The following CNTN5 variants were observed in gnomAD, a reference collection of about 807,000 sequenced individuals.
CNTN5 encodes the protein contactin 5.
A neutral mutation model predicts 129.1 loss-of-function variants in CNTN5; 77 were observed. The observed-to-expected ratio is 0.60, with a 90% CI of 0.50 to 0.72. The LOEUF (loss-of-function observed/expected upper bound fraction) is 0.72, where lower values mean the gene tolerates loss of function less well. Among genes scored for constraint, CNTN5 ranks in the 30% least tolerant of loss-of-function variants. CNTN5 has a pLI of 0.00. For missense variants in CNTN5, 1,478 were observed against 1,328.8 expected (o/e 1.11, Z -1.75); for synonymous variants, 509 against 465.6 (o/e 1.09, Z -1.20).
At chr11:99,618,509 C>T (rs577265251) in intron 3 of CNTN5, among the ~76,000 whole-genome samples, 4 of 152,240 alleles carry the variant, frequency 2.6e-5, no homozygotes, top group East Asian at 3.9e-4. Flanking sequence ...TTTAACTGTT[C>T]TTTGTCACCT....
chr11:99,704,690 A>G (rs1019187217), intron 3 of CNTN5, among the ~76,000 whole-genome samples: 2 of 151,246 alleles, frequency 1.3e-5, no homozygotes, highest in South Asian at 2.1e-4. Flanking sequence ...TCTTTTATCT[A>G]TATATGCATT....
At chr11:100,329,539 C>CA (rs1404610568) in intron 21 of CNTN5, among the ~76,000 whole-genome samples, 1 of 152,180 alleles carries the variant, frequency 6.6e-6, no homozygotes, top group African/African-American at 2.4e-5. Flanking sequence ...GCACACTAAA[C>CA]AAAAGCACAA....
chr11:99,217,989 TC>T (rs1290537161), intron 1 of CNTN5, among the ~76,000 whole-genome samples: 1 of 152,190 alleles, frequency 6.6e-6, no homozygotes, highest in Non-Finnish European at 1.5e-5. Flanking sequence ...ACTCCCTATT[TC>T]TTTGCTTCCT....
chr11:99,135,042 C>G (rs11218521), intron 1 of CNTN5, among the ~76,000 whole-genome samples: 4,778 of 152,246 alleles, frequency 0.031, 257 homozygotes, highest in African/African-American at 0.11. Context: ...ACGTAGAACA[C>G]TATAATATAA....
chr11:100,090,870 C>G (rs1313420072), intron 13 of CNTN5, among the ~76,000 whole-genome samples: 1 of 152,002 alleles, frequency 6.6e-6, no homozygotes, highest in Non-Finnish European at 1.5e-5. Flanking sequence ...TAATACACAT[C>G]ACTTTACCCC....
chr11:99,103,682 A>G (rs145580250), intron 1 of CNTN5, among the ~76,000 whole-genome samples: 2 of 152,062 alleles, frequency 1.3e-5, no homozygotes, highest in African/African-American at 4.8e-5. Context: ...GGGTCTTTGC[A>G]TGTTTAAGTA....
At chr11:99,690,008 C>A (rs1378416375) in intron 3 of CNTN5, among the ~76,000 whole-genome samples, 3 of 152,092 alleles carry the variant, frequency 2.0e-5, no homozygotes, top group Non-Finnish European at 4.4e-5. Flanking sequence ...TTTGCCCATG[C>A]CTATGTCCTG....
intron 3 of CNTN5, among the ~76,000 whole-genome samples, chr11:99,598,159 C>T (rs1950180869): frequency 6.6e-6 from 1 of 152,044 alleles, no homozygotes; most frequent in Admixed American, 6.6e-5. Flanking sequence ...TCAAGAATAA[C>T]AATTTTTGCT....
intron 1 of CNTN5, among the ~76,000 whole-genome samples, chr11:99,160,262 A>G (rs544628640): frequency 6.6e-6 from 1 of 152,346 alleles, no homozygotes; most frequent in East Asian, 1.9e-4. Context: ...TGGGAAATAT[A>G]TAGTTAGCTC....
At chr11:100,146,907 A>T (rs576350769) in intron 13 of CNTN5, among the ~76,000 whole-genome samples, 2 of 152,290 alleles carry the variant, frequency 1.3e-5, no homozygotes, top group African/African-American at 4.8e-5. Context: ...AAAATAAAAT[A>T]AAAGATACAG....
At chr11:99,226,942 C>T (rs1188937368) in intron 1 of CNTN5, among the ~76,000 whole-genome samples, 4 of 152,182 alleles carry the variant, frequency 2.6e-5, no homozygotes, top group East Asian at 3.9e-4. Flanking sequence ...AAAATATCTA[C>T]GTATAAATCC....
At chr11:100,159,967 T>C (rs975157371) in intron 13 of CNTN5, among the ~76,000 whole-genome samples, 3 of 151,876 alleles carry the variant, frequency 2.0e-5, no homozygotes, top group African/African-American at 4.8e-5. Flanking sequence ...TGGGGATACA[T>C]AGGCAGAACG....
chr11:99,298,078 G>T (rs1864464611), intron 1 of CNTN5, among the ~76,000 whole-genome samples: 1 of 152,092 alleles, frequency 6.6e-6, no homozygotes, highest in African/African-American at 2.4e-5. Context: ...TGCTCTGAGA[G>T]ATTAAAGGAC....
At chr11:99,653,520 T>C (rs1394333790) in intron 3 of CNTN5, among the ~76,000 whole-genome samples, 1 of 152,048 alleles carries the variant, frequency 6.6e-6, no homozygotes, top group Admixed American at 6.6e-5. Context: ...AGTGTGTATC[T>C]TGGTGACAAT....
At chr11:99,846,357 C>CA (rs35705639) in intron 6 of CNTN5, among the ~76,000 whole-genome samples, 16,443 of 61,338 alleles carry the variant, frequency 0.27, 2,728 homozygotes, top group African/African-American at 0.38. Flanking sequence ...GGATCTGTCT[C>CA]AAAAAAAAAA....
At chr11:99,952,254 A>G (rs2136152065) in intron 7 of CNTN5, among the ~76,000 whole-genome samples, 1 of 152,272 alleles carries the variant, frequency 6.6e-6, no homozygotes, top group African/African-American at 2.4e-5. Context: ...AAAGAAAATA[A>G]TTGTAGTGAA....
chr11:100,068,879 G>A (rs1418449612), intron 10 of CNTN5, among the ~76,000 whole-genome samples: 4 of 152,270 alleles, frequency 2.6e-5, no homozygotes, highest in South Asian at 2.1e-4. Flanking sequence ...TTAGAAACAA[G>A]TAACTAACTT....
intron 13 of CNTN5, among the ~76,000 whole-genome samples, chr11:100,131,961 C>T (rs561043916): frequency 6.6e-6 from 1 of 151,886 alleles, no homozygotes; most frequent in African/African-American, 2.4e-5. Flanking sequence ...AAAGGTAGGG[C>T]GGGGGCATCC....
intron 4 of CNTN5, among the ~76,000 whole-genome samples, chr11:99,830,559 TC>T (rs1490379274): frequency 6.6e-6 from 1 of 152,170 alleles, no homozygotes; most frequent in Non-Finnish European, 1.5e-5. Context: ...CAAAATGTGA[TC>T]TTTTATGAAA....
Sources: allele counts gnomAD v4.1 joint callset (sites outside exome capture counted in the v4.1 genomes callset), GRCh38; gene constraint gnomAD v4.1.1; transcripts MANE v1.5; gene names NCBI Gene and HGNC (gene_info 2026-07-23, HGNC 2026-07-21).